SLC43A2: variants seen among roughly 807,000 people sequenced by gnomAD.
The protein encoded by SLC43A2 is solute carrier family 43 member 2.
Under a neutral mutation model 63.2 loss-of-function variants are expected in SLC43A2, and 38 were observed. That is an observed-to-expected ratio of 0.60 (90% CI 0.46 to 0.79). The LOEUF is 0.79. SLC43A2 is among the 30% of genes least tolerant of loss of function. The probability of loss-of-function intolerance (pLI) is 0.00; values close to 1 mark genes in which losing one functional copy is unlikely to be tolerated. For synonymous variants in SLC43A2, 322 were observed against 331.0 expected, an observed-to-expected ratio of 0.97 and a Z score of 0.30; for missense variants, 644 against 756.2, an observed-to-expected ratio of 0.85 and a Z score of 1.74.
Position 1,627,885 on chromosome 17 carries a change from G to C in SLC43A2, c.-11C>G. On this transcript the variant is annotated 5_prime_UTR_variant, in exon 2 of 14. Transcript: ENST00000301335. Reference sequence around the variant, plus strand: ...CAGGGTGGGCGCCATGGTGCGGCGCGGCGCGGCTCCGGCTCCGGCTCCGGC... The same window carrying C: ...CAGGGTGGGCGCCATGGTGCGGCGCCGCGCGGCTCCGGCTCCGGCTCCGGC... The C allele has an allele frequency of 6.4e-7, 1 of 1,550,554 alleles. No homozygotes were observed.
chr17:1,591,441 A>C lies in SLC43A2; in HGVS notation c.759T>G (p.Phe253Leu), dbSNP rs779552152. 6.2e-7 allele frequency: 1 copy of C among 1,613,278 alleles called. No homozygotes were observed. Residue 253 changes from phenylalanine to leucine, a missense_variant, in exon 8 of 14, where the codon TTT becomes TTG. Coordinates refer to ENST00000301335, the MANE Select transcript of SLC43A2 (RefSeq NM_152346.3). ...ACTGCTTCCCTGTGATCTTGTGGTC[A>C]AAGCCCAGCCAGCTGAACTTGATCT... ...SVKIKFSWLG[F>L]DHKITGKQFY...
rs532702904 is a variant in SLC43A2 at position 1,594,184 on chromosome 17, C to T, written c.502-905G>A. Among the ~76,000 whole-genome samples, 380 of 152,266 alleles carry T rather than the reference C, an allele frequency of 2.5e-3. 4 individuals are homozygous for T. Among genetic ancestry groups the T allele is most frequent in the African/African-American group, 7.5e-3 (310 of 41,544 alleles). On this transcript the variant is annotated intron_variant, in intron 5 of 13. Coordinates refer to ENST00000301335, the MANE Select transcript of SLC43A2 (RefSeq NM_152346.3). ...TTATCTTCCCACAGGATGTTCGGCC[C>T]GAGCAGTTAGCATCCTGGAAGGCCA...
chr17:1,578,097 A>G lies in SLC43A2; in HGVS notation c.1424+153T>C, dbSNP rs1268764420. On this transcript the variant is annotated intron_variant, in intron 12 of 13. Transcript: ENST00000301335. The surrounding 1 kb of genome is among the most constrained non-coding windows in gnomAD (Gnocchi z 6.5). The stretch of plus-strand genomic sequence containing the variant: ...GGTATGGCCTTTCCCTGAAACACCC[A>G]GCAGAAACCCTGGTACCTGTCCCCT... Among the ~76,000 whole-genome samples the G allele has an allele frequency of 6.6e-6, 1 of 152,166 alleles. No homozygotes were observed. Among genetic ancestry groups the G allele is most frequent in the Non-Finnish European group, 1.5e-5 (1 of 68,022 alleles).
intron 5 of SLC43A2, chr17:1,604,968 G>A (rs971442450): frequency 7.1e-5 from 104 of 1,467,548 alleles, no homozygotes; most frequent in Non-Finnish European, 9.0e-5. Context: ...TGAGCAGAGC[G>A]CCCTAGCGCG....
In SLC43A2 at chr17:1,616,717, C is replaced by T. The variant is rs1907708534; in HGVS notation, c.213G>A (p.Glu71=). 6.2e-7 allele frequency: 1 copy of T among 1,614,154 alleles called. No individual in the cohort carries two copies. The highest frequency in any genetic ancestry group is 8.5e-7 in the Non-Finnish European group (1 of 1,180,044). The change falls in exon 3 of 14, where the codon GAG becomes GAA. Residue 71 remains glutamate, a synonymous_variant. Coordinates refer to ENST00000301335, the MANE Select transcript of SLC43A2 (RefSeq NM_152346.3). Reference sequence around the variant, plus strand: ...TGAGCCAGCCGTTCATCCAGCTCACCTCCTCGTGCCCCGGCTCTGCTGTGC... The same window carrying T: ...TGAGCCAGCCGTTCATCCAGCTCACTTCCTCGTGCCCCGGCTCTGCTGTGC... ...VGGTAEPGHE[E]VSWMNGWLSC... is the part of the protein sequence containing the mutation.
chr17:1,615,329 C>G (rs556911543), intron 3 of SLC43A2, among the ~76,000 whole-genome samples: 1 of 151,824 alleles, frequency 6.6e-6, no homozygotes, highest in Admixed American at 6.6e-5. Flanking sequence ...AGGCTGGTCT[C>G]GAACTCCTGG....
intron 5 of SLC43A2, among the ~76,000 whole-genome samples, chr17:1,597,649 A>G (rs1294093792): frequency 6.6e-6 from 1 of 151,814 alleles, no homozygotes; most frequent in South Asian, 2.1e-4. Context: ...AAATGCAAAA[A>G]TTAGCTGGGC....
intron 10 of SLC43A2, chr17:1,585,238 CTTCT>C: frequency 1.0e-6 from 1 of 994,650 alleles, no homozygotes; most frequent in African/African-American, 1.7e-5. Flanking sequence ...CTCAATGCTT[CTTCT>C]TTATTGTTTT....
chr17:1,624,363 A>G (rs73287188), intron 2 of SLC43A2, among the ~76,000 whole-genome samples: 2,032 of 152,224 alleles, frequency 0.013, 45 homozygotes, highest in African/African-American at 0.046. Flanking sequence ...ACTTGAGCCC[A>G]GGAGTTTTGA....
intron 5 of SLC43A2, among the ~76,000 whole-genome samples, chr17:1,612,262 C>A (rs1231405581): frequency 6.6e-6 from 1 of 152,172 alleles, no homozygotes; most frequent in African/African-American, 2.4e-5. Context: ...CCATGCCCAG[C>A]CCCTTTTTTG....
intron 11 of SLC43A2, among the ~76,000 whole-genome samples, chr17:1,580,572 GTTTT>G (rs1183532516): frequency 2.0e-5 from 3 of 148,512 alleles, no homozygotes; most frequent in Admixed American, 6.7e-5. Context: ...GTTTTGTTTG[GTTTT>G]GTTTTGGGAC....
chr17:1,575,357 C>T lies in SLC43A2; in HGVS notation c.*247G>A, dbSNP rs1261427376. The T allele has an allele frequency of 2.3e-5, 13 of 556,946 alleles. No individual in the cohort carries two copies. Among genetic ancestry groups the T allele is most frequent in the South Asian group, 1.7e-4 (8 of 48,192 alleles). 34.5% of individuals were successfully genotyped at this position (556,946 alleles called of 1,614,324 possible). A position where few individuals can be genotyped will look rare whatever the true frequency, so the allele number is the denominator to read the frequency against. On this transcript the variant is annotated 3_prime_UTR_variant, in exon 14 of 14. Transcript: ENST00000301335. ...CAGGCACCACAGAGACCCCAGGCCC[C>T]GGGTCCCCGGGGGGCGGCAGAGCAA...
chr17:1,576,934 G>A (rs1470046103), intron 12 of SLC43A2, among the ~76,000 whole-genome samples: 3 of 150,802 alleles, frequency 2.0e-5, no homozygotes, highest in Non-Finnish European at 3.0e-5. Flanking sequence ...ACACGATCTC[G>A]GCTCACTGCA....
chr17:1,590,145 C>CT (rs1904610536), intron 9 of SLC43A2, among the ~76,000 whole-genome samples: 1 of 152,206 alleles, frequency 6.6e-6, no homozygotes, highest in Non-Finnish European at 1.5e-5. Context: ...CTGGGGATGA[C>CT]TAAGGCTGAC....
chr17:1,626,073 G>A (rs994456763), intron 2 of SLC43A2, among the ~76,000 whole-genome samples: 2 of 150,346 alleles, frequency 1.3e-5, no homozygotes, highest in South Asian at 2.1e-4. Context: ...ATCATGGTGG[G>A]TTAAAAAAAA....
chr17:1,600,549 CTTTTTTTTTTTT>C (rs398030152), intron 5 of SLC43A2, among the ~76,000 whole-genome samples: 2 of 73,750 alleles, frequency 2.7e-5, no homozygotes, highest in East Asian at 3.9e-4. Context: ...TTTCTTTCCT[CTTTTTTTTTTTT>C]TTTTTTTTTG....
chr17:1,594,885 A>T (rs77703798), intron 5 of SLC43A2, among the ~76,000 whole-genome samples: 1 of 151,212 alleles, frequency 6.6e-6, no homozygotes, highest in Non-Finnish European at 1.5e-5. Context: ...ACCGCGCCCA[A>T]CCTTTTTTTC....
At position 1,573,688 on chromosome 17, in the gene SLC43A2, C is replaced by G. The variant is rs1166756378; in HGVS notation, c.*1916G>C. On this transcript the variant is annotated 3_prime_UTR_variant, in exon 14 of 14. Transcript: ENST00000301335. Reference sequence around the variant, plus strand: ...AGGCTGGAGTGCAATGGTGCGATCTCGACTCACGGCAATCTCCGTCTCCCC... The same window carrying G: ...AGGCTGGAGTGCAATGGTGCGATCTGGACTCACGGCAATCTCCGTCTCCCC... 1 of 151,986 alleles carries G rather than the reference C, an allele frequency of 6.6e-6. No homozygotes were observed. The highest frequency in any genetic ancestry group is 1.5e-5 in the Non-Finnish European group (1 of 68,028). 9.4% of individuals were successfully genotyped at this position (151,986 alleles called of 1,614,324 possible). A position where few individuals can be genotyped will look rare whatever the true frequency, so the allele number is the denominator to read the frequency against.
intron 5 of SLC43A2, among the ~76,000 whole-genome samples, chr17:1,603,856 G>A (rs959032638): frequency 6.6e-6 from 1 of 152,180 alleles, no homozygotes; most frequent in Non-Finnish European, 1.5e-5. Context: ...CCCCAAGCTA[G>A]TAATGGTCAG....
Sources: allele counts gnomAD v4.1 joint callset (sites outside exome capture counted in the v4.1 genomes callset), GRCh38; gene constraint gnomAD v4.1.1; non-coding constraint Gnocchi (gnomAD v3.1); transcripts MANE v1.5; gene names NCBI Gene and HGNC (gene_info 2026-07-23, HGNC 2026-07-21).